The following TLE4 variants were observed in gnomAD, a reference collection of about 807,000 sequenced individuals.
TLE4 encodes TLE family member 4, transcriptional corepressor.
Under a neutral mutation model 92.8 loss-of-function variants are expected in TLE4, and 8 were observed. The ratio of observed to expected loss-of-function variants is 0.09; its 90% CI spans 0.05 to 0.16. TLE4 has a LOEUF of 0.16. Ranked by LOEUF, TLE4 falls within the 10% of genes least tolerant of loss-of-function variation. The pLI is 1.00. For missense variants in TLE4, 675 were observed against 997.6 expected (o/e 0.68, Z 4.36); for synonymous variants, 371 against 374.1 (o/e 0.99, Z 0.10).
chr9:79,634,812 C>T (rs770997861), intron 6 of TLE4, among the ~76,000 whole-genome samples: 1 of 152,144 alleles, frequency 6.6e-6, no homozygotes, highest in Non-Finnish European at 1.5e-5. Flanking sequence ...CATGTGGTTG[C>T]TCATATCAGT....
At chr9:79,594,538 A>G (rs1450234839) in intron 4 of TLE4, among the ~76,000 whole-genome samples, 5 of 151,468 alleles carry the variant, frequency 3.3e-5, no homozygotes, top group East Asian at 3.9e-4. Context: ...AGATTCATGC[A>G]TCTTTGAAAC....
At chr9:79,685,157 A>G (rs1308038862) in intron 8 of TLE4, among the ~76,000 whole-genome samples, 1 of 152,164 alleles carries the variant, frequency 6.6e-6, no homozygotes, top group Non-Finnish European at 1.5e-5. Flanking sequence ...CACAAAGAGT[A>G]TTGTTTCCAA....
chr9:79,654,159 A>G, intron 8 of TLE4, 84 bp downstream of exon 8: 1 of 1,375,744 alleles, frequency 7.3e-7, no homozygotes, highest in Middle Eastern at 1.8e-4. Context: ...ATTCTTTGAG[A>G]TTTAGAGAAT....
At chr9:79,674,710 T>C (rs2062977589) in intron 8 of TLE4, among the ~76,000 whole-genome samples, 1 of 152,310 alleles carries the variant, frequency 6.6e-6, no homozygotes, top group South Asian at 2.1e-4. Flanking sequence ...GATGTTTTAA[T>C]ACTTCACAAT....
rs113282226 is a variant in TLE4, at chr9:79,606,404, T to G, written c.253-6252T>G. 1.3e-3 allele frequency among the ~76,000 whole-genome samples: 195 copies of G among 149,766 alleles called. 1 individual carries two copies. Among genetic ancestry groups the G allele is most frequent in the African/African-American group, 4.5e-3 (184 of 40,778 alleles). On this transcript the variant is annotated intron_variant, in intron 4 of 19. Transcript: ENST00000376552. ...TTTTTTTTTTTAAATACTTTTTAAG[T>G]TCTAGGGTGCATGTGCACAACGTGC...
chr9:79,640,310 G>C (rs1394700383), intron 6 of TLE4, among the ~76,000 whole-genome samples: 2 of 152,108 alleles, frequency 1.3e-5, no homozygotes, highest in Non-Finnish European at 2.9e-5. Context: ...TAAACCACAA[G>C]ATAGTTTGAG....
chr9:79,679,392 G>A (rs999397157), intron 8 of TLE4, among the ~76,000 whole-genome samples: 2 of 152,102 alleles, frequency 1.3e-5, no homozygotes, highest in African/African-American at 2.4e-5. Context: ...ATTTTTTCAT[G>A]TGTTTTTTGG....
chr9:79,614,254 C>A (rs959455285), intron 5 of TLE4, among the ~76,000 whole-genome samples: 1 of 151,986 alleles, frequency 6.6e-6, no homozygotes, highest in Admixed American at 6.6e-5. Context: ...TCGAATTATC[C>A]CTGGGGTGGT....
At chr9:79,575,020 C>A in intron 3 of TLE4, 84 bp downstream of exon 3, 2 of 1,135,540 alleles carry the variant, frequency 1.8e-6, no homozygotes, top group Non-Finnish European at 1.3e-6. Flanking sequence ...CTGGGGGCTG[C>A]AAGATAGATC....
chr9:79,705,836 A>G lies in TLE4; in HGVS notation c.730-53A>G, dbSNP rs2071390099. On this transcript the variant is annotated intron_variant, in intron 9 of 19. Transcript: ENST00000376552. ...ATTAGTCTGGACTTACTTAGGGTAA[A>G]TGTGGTATGTTTTGTGAGGGGAGAA... 8 of 1,570,320 alleles carry G rather than the reference A, an allele frequency of 5.1e-6. No homozygotes were observed. The South Asian group carries it at 6.6e-5, about 13-fold the overall frequency.
At chr9:79,583,823 G>A (rs1446257282) in intron 4 of TLE4, among the ~76,000 whole-genome samples, 1 of 152,138 alleles carries the variant, frequency 6.6e-6, no homozygotes, top group Non-Finnish European at 1.5e-5. Flanking sequence ...GAGAGCTTAA[G>A]GCATTTTATA....
chr9:79,629,219 C>CTT (rs1051995933), intron 6 of TLE4, among the ~76,000 whole-genome samples: 1 of 151,124 alleles, frequency 6.6e-6, no homozygotes, highest in African/African-American at 2.4e-5. Context: ...TTTTTTTTTC[C>CTT]TTTTTTTGAG....
chr9:79,587,056 A>G (rs2041297793), intron 4 of TLE4, among the ~76,000 whole-genome samples: 1 of 152,200 alleles, frequency 6.6e-6, no homozygotes, highest in Admixed American at 6.5e-5. Flanking sequence ...ACTATACCTT[A>G]TTCATTCTGA....
chr9:79,670,704 G>A (rs1220793235), intron 8 of TLE4, among the ~76,000 whole-genome samples: 2 of 152,126 alleles, frequency 1.3e-5, no homozygotes, highest in Non-Finnish European at 2.9e-5. Context: ...CAGTAGGCAG[G>A]AAACAGTGTA....
At chr9:79,602,096 G>T (rs1281465879) in intron 4 of TLE4, among the ~76,000 whole-genome samples, 2 of 152,168 alleles carry the variant, frequency 1.3e-5, no homozygotes, top group Non-Finnish European at 2.9e-5. Flanking sequence ...TTCTATGAAG[G>T]CTGAGAGAGA....
intron 14 of TLE4, among the ~76,000 whole-genome samples, chr9:79,716,963 A>C (rs2074618778): frequency 6.6e-6 from 1 of 152,218 alleles, no homozygotes; most frequent in African/African-American, 2.4e-5. Flanking sequence ...TTGTCATGTG[A>C]TTGAACATCT....
At chr9:79,574,014 TG>T in intron 2 of TLE4, 1 of 323,776 alleles carries the variant, frequency 3.1e-6, no homozygotes, top group Non-Finnish European at 5.6e-6. Flanking sequence ...CAATCGAAAC[TG>T]GGGAGACTTG....
intron 8 of TLE4, among the ~76,000 whole-genome samples, chr9:79,681,832 A>ATGTGTGTGTGTGTGTGTGTG (rs35005870): frequency 5.7e-5 from 8 of 141,590 alleles, no homozygotes; most frequent in South Asian, 2.4e-4. Context: ...GAGTGTGTGC[A>ATGTGTGTGTGTGTGTGTGTG]TGTGTGTGTG....
At chr9:79,631,663 T>TGTGTGTG (rs1312981283) in intron 6 of TLE4, among the ~76,000 whole-genome samples, 47 of 148,750 alleles carry the variant, frequency 3.2e-4, no homozygotes, top group Middle Eastern at 3.5e-3. Flanking sequence ...TGTGTGTGTG[T>TGTGTGTG]TTTCTACATT....
Sources: allele counts gnomAD v4.1 joint callset (sites outside exome capture counted in the v4.1 genomes callset), GRCh38; gene constraint gnomAD v4.1.1; transcripts MANE v1.5; gene names NCBI Gene and HGNC (gene_info 2026-07-23, HGNC 2026-07-21).